Variants in KLHDC10 observed in about 807,000 individuals in gnomAD.
KLHDC10 encodes kelch domain-containing protein 10.
Under a neutral mutation model 56.1 loss-of-function variants are expected in KLHDC10, and 24 were observed. That is an observed-to-expected ratio of 0.43 (90% CI 0.31 to 0.60). The LOEUF is 0.60. Among genes scored for constraint, KLHDC10 ranks in the 20% least tolerant of loss-of-function variants. The pLI is 0.11. For missense variants in KLHDC10, 349 were observed against 567.0 expected, an observed-to-expected ratio of 0.62 and a Z score of 3.91; for synonymous variants, 188 against 207.1, an observed-to-expected ratio of 0.91 and a Z score of 0.79.
chr7:130,106,031 C>G (rs1383115321), intron 2 of KLHDC10, among the ~76,000 whole-genome samples: 2 of 152,080 alleles, frequency 1.3e-5, no homozygotes, highest in Non-Finnish European at 2.9e-5. Context: ...TGCCTGTAAT[C>G]CTGGCTACTC....
chr7:130,118,109 G>A (rs903909863), intron 3 of KLHDC10, among the ~76,000 whole-genome samples: 1 of 151,972 alleles, frequency 6.6e-6, no homozygotes, highest in African/African-American at 2.4e-5. Flanking sequence ...GGAAGGTGGG[G>A]GTTGCAATAA....
At position 130,075,117 on chromosome 7, in the gene KLHDC10, G is replaced by C. The variant is rs1327181442; in HGVS notation, c.166+4308G>C. On this transcript the variant is annotated intron_variant, in intron 1 of 9. Transcript: ENST00000335420. ...CTAACTCATAATTTCTATACACCCA[G>C]TAACGAACAGGGAATTGTGCTTTTT... Among the ~76,000 whole-genome samples, 3 of 152,158 alleles carry C rather than the reference G, an allele frequency of 2.0e-5. No homozygotes were observed. The East Asian group carries it at 5.8e-4, about 29-fold the overall frequency.
chr7:130,079,493 T>C (rs1368461391), intron 1 of KLHDC10, among the ~76,000 whole-genome samples: 3 of 152,228 alleles, frequency 2.0e-5, no homozygotes, highest in Admixed American at 6.5e-5. Flanking sequence ...GTAGATTGTA[T>C]TAATGGATTT....
At chr7:130,101,003 A>AC (rs546061992) in intron 2 of KLHDC10, among the ~76,000 whole-genome samples, 22,661 of 142,770 alleles carry the variant, frequency 0.16, 2,030 homozygotes, top group East Asian at 0.31. Context: ...GTAATTAAAA[A>AC]AAAAAAACAA....
rs1796366358 is a variant in KLHDC10, at chr7:130,129,434, T to C, written c.980-3T>C. On this transcript the variant is annotated splice_polypyrimidine_tract_variant and splice_region_variant and intron_variant, in intron 8 of 9. Transcript: ENST00000335420. Reference sequence around the variant, plus strand: ...TGATCTTGGCTTTCTCTTTTCTTCATAGATGTATTTATTTGTGGGGGCTAT... The same window carrying C: ...TGATCTTGGCTTTCTCTTTTCTTCACAGATGTATTTATTTGTGGGGGCTAT... 1.2e-6 allele frequency: 2 copies of C among 1,613,672 alleles called. No homozygotes were observed. The highest frequency in any genetic ancestry group is 3.3e-4 in the Middle Eastern group (2 of 6,062).
Position 130,098,282 on chromosome 7 carries a change from C to A in KLHDC10, c.253+1275C>A, listed in dbSNP as rs145691379. Among the ~76,000 whole-genome samples, 4 of 152,124 alleles carry A rather than the reference C, an allele frequency of 2.6e-5. No homozygotes were observed. In the East Asian group the frequency reaches 7.7e-4, roughly 29 times the overall value. ...CCAAGGTGGGCAGATTGCTTGAGCC[C>A]AGGAGTTCAAGACCAGCCAGGACAA... On this transcript the variant is annotated intron_variant, in intron 2 of 9. Transcript: ENST00000335420.
rs952259163 is a variant in KLHDC10 at position 130,132,234 on chromosome 7, G to T, written c.*1488G>T. The T allele has an allele frequency of 6.6e-6, 1 of 152,240 alleles. No individual in the cohort carries two copies. The highest frequency in any genetic ancestry group is 2.4e-5 in the African/African-American group (1 of 41,452). The allele number at this position is 152,240 out of a possible 1,614,324, so 9.4% of individuals were successfully genotyped here. A position where few individuals can be genotyped will look rare whatever the true frequency, so the allele number is the denominator to read the frequency against. On this transcript the variant is annotated 3_prime_UTR_variant, in exon 10 of 10. Coordinates refer to ENST00000335420, the MANE Select transcript of KLHDC10 (RefSeq NM_014997.4). ...CTGGTCCTCCCGGGGCCAACTCACA[G>T]CAGGAGACTCGCATGGGAGAGTTGG... is the stretch of plus-strand genomic sequence containing the variant.
chr7:130,114,786 C>T (rs528537976), intron 2 of KLHDC10, among the ~76,000 whole-genome samples: 2 of 151,824 alleles, frequency 1.3e-5, no homozygotes, highest in Non-Finnish European at 2.9e-5. Flanking sequence ...GTGGTGTGCA[C>T]TAGACTTAGG....
chr7:130,109,257 TGAA>T (rs1326676949), intron 2 of KLHDC10, among the ~76,000 whole-genome samples: 2 of 151,224 alleles, frequency 1.3e-5, no homozygotes, highest in Admixed American at 1.3e-4. Flanking sequence ...TTTTTAGAGA[TGAA>T]GTTTTGTTCT....
intron 1 of KLHDC10, among the ~76,000 whole-genome samples, chr7:130,090,027 A>G: frequency 6.6e-6 from 1 of 152,026 alleles, no homozygotes; most frequent in East Asian, 1.9e-4. Context: ...GATTACAGGC[A>G]TGCACCACCA....
At chr7:130,103,331 C>T (rs1337363290) in intron 2 of KLHDC10, among the ~76,000 whole-genome samples, 9 of 148,316 alleles carry the variant, frequency 6.1e-5, no homozygotes, top group South Asian at 4.3e-4. Context: ...GAGGCTGAGG[C>T]GGGGAATTGC....
intron 8 of KLHDC10, among the ~76,000 whole-genome samples, chr7:130,128,871 C>T (rs192704202): frequency 2.4e-5 from 1 of 41,308 alleles, no homozygotes; most frequent in African/African-American, 1.5e-4. Flanking sequence ...GAGACCTTGT[C>T]TCTTAAAAAA....
At chr7:130,089,439 G>T (rs568719695) in intron 1 of KLHDC10, among the ~76,000 whole-genome samples, 1 of 152,032 alleles carries the variant, frequency 6.6e-6, no homozygotes, top group East Asian at 1.9e-4. Flanking sequence ...CTTCTCCCAT[G>T]CCCCGCCAAA....
At chr7:130,076,393 C>T (rs1795504136) in intron 1 of KLHDC10, among the ~76,000 whole-genome samples, 1 of 152,112 alleles carries the variant, frequency 6.6e-6, no homozygotes, top group Non-Finnish European at 1.5e-5. Flanking sequence ...ATATTTTTCA[C>T]AGTTTTTCAT....
At chr7:130,076,840 C>T (rs1311170917) in intron 1 of KLHDC10, among the ~76,000 whole-genome samples, 3 of 152,102 alleles carry the variant, frequency 2.0e-5, no homozygotes, top group Admixed American at 6.5e-5. Context: ...TGACTCTATT[C>T]CTTGGTTATC....
intron 2 of KLHDC10, among the ~76,000 whole-genome samples, chr7:130,110,935 A>G (rs948188123): frequency 8.5e-5 from 13 of 152,084 alleles, no homozygotes; most frequent in African/African-American, 3.1e-4. Flanking sequence ...ATGTTCTTTT[A>G]TATATTTACA....
At position 130,124,556 on chromosome 7, in the gene KLHDC10, A is replaced by T. The variant is rs779559934; in HGVS notation, c.864+21A>T. ...ACAAGGTATATTTTTTTAAAAAGAA[A>T]AAAAGGGAGAGGGAGAAGGATAGAA... On this transcript the variant is annotated intron_variant, in intron 6 of 9. Coordinates refer to ENST00000335420, the MANE Select transcript of KLHDC10 (RefSeq NM_014997.4). 7.9e-6 allele frequency: 10 copies of T among 1,259,922 alleles called. No individual in the cohort carries two copies. In the South Asian group the frequency reaches 1.2e-4, roughly 15 times the overall value. The allele number at this position is 1,259,922 out of a possible 1,614,324, so 78.0% of individuals were successfully genotyped here. A position where few individuals can be genotyped will look rare whatever the true frequency, so the allele number is the denominator to read the frequency against.
intron 1 of KLHDC10, among the ~76,000 whole-genome samples, chr7:130,075,948 A>G (rs1795491873): frequency 1.3e-5 from 2 of 151,648 alleles, no homozygotes; most frequent in African/African-American, 4.8e-5. Context: ...TCATTTTTCT[A>G]TTGGGATGGT....
intron 1 of KLHDC10, among the ~76,000 whole-genome samples, chr7:130,072,482 C>T (rs992832733): frequency 1.3e-5 from 2 of 152,194 alleles, no homozygotes; most frequent in African/African-American, 4.8e-5. Context: ...GCGGGGTCAT[C>T]AGTCTCTTTT....
Sources: allele counts gnomAD v4.1 joint callset (sites outside exome capture counted in the v4.1 genomes callset), GRCh38; gene constraint gnomAD v4.1.1; transcripts MANE v1.5; gene names NCBI Gene and HGNC (gene_info 2026-07-23, HGNC 2026-07-21).